Variants in NCKAP5 observed in about 807,000 individuals in gnomAD.
NCKAP5 encodes NCK associated protein 5.
In NCKAP5, 92 loss-of-function variants were observed where a neutral mutation model predicts 167.0. The ratio of observed to expected loss-of-function variants is 0.55; its 90% CI spans 0.47 to 0.66. The LOEUF (loss-of-function observed/expected upper bound fraction) is 0.66, where lower values mean the gene tolerates loss of function less well. Ranked by LOEUF, NCKAP5 falls within the 30% of genes least tolerant of loss-of-function variation. The probability of loss-of-function intolerance (pLI) is 0.00; values close to 1 mark genes in which losing one functional copy is unlikely to be tolerated. For missense variants in NCKAP5, 2,378 were observed against 2,315.0 expected, an observed-to-expected ratio of 1.03 and a Z score of -0.56; for synonymous variants, 891 against 877.4, an observed-to-expected ratio of 1.02 and a Z score of -0.27.
chr2:133,054,171 T>A (rs1032759856), intron 6 of NCKAP5, among the ~76,000 whole-genome samples: 1 of 152,218 alleles, frequency 6.6e-6, no homozygotes, highest in Non-Finnish European at 1.5e-5. Context: ...AATTCTAAAA[T>A]GCTTTGTTCC....
intron 6 of NCKAP5, among the ~76,000 whole-genome samples, chr2:133,126,550 A>C (rs2082410519): frequency 6.6e-6 from 1 of 152,218 alleles, no homozygotes; most frequent in Non-Finnish European, 1.5e-5. Flanking sequence ...TTCCAGATAT[A>C]AGTGACATAG....
chr2:133,277,448 T>C (rs1000654277), intron 4 of NCKAP5, among the ~76,000 whole-genome samples: 10 of 152,052 alleles, frequency 6.6e-5, no homozygotes, highest in Admixed American at 6.6e-4. Flanking sequence ...TAGGGAAAAT[T>C]AGAAGTCGAA....
chr2:132,944,603 C>T (rs993579606), intron 8 of NCKAP5, among the ~76,000 whole-genome samples: 19 of 152,160 alleles, frequency 1.2e-4, no homozygotes, highest in Non-Finnish European at 2.9e-5. Context: ...GACCTCACCA[C>T]GATGTTGCTA....
In NCKAP5 at chr2:133,362,625, G is replaced by A. The variant is rs375830527; in HGVS notation, c.70-59515C>T. On this transcript the variant is annotated intron_variant, in intron 3 of 19. Coordinates refer to ENST00000409261, the MANE Select transcript of NCKAP5 (RefSeq NM_207363.3). ...ATGACCATCTAGAAAAGAAATCAAT[G>A]GTCACTAGGAGTTACAGGGGCTTCC... Among the ~76,000 whole-genome samples the A allele has an allele frequency of 8.5e-5, 13 of 152,236 alleles. No homozygotes were observed. In the East Asian group the frequency reaches 9.6e-4, roughly 11 times the overall value.
chr2:133,062,737 T>G (rs1382095928), intron 6 of NCKAP5, among the ~76,000 whole-genome samples: 1 of 152,218 alleles, frequency 6.6e-6, no homozygotes, highest in Non-Finnish European at 1.5e-5. Context: ...CTGGTGAGAT[T>G]AATGTGTTAC....
At chr2:133,643,717 G>A in the NCKAP5 span, among the ~76,000 whole-genome samples, 2 of 151,970 alleles carry the variant, frequency 1.3e-5, no homozygotes, top group East Asian at 3.9e-4. Flanking sequence ...CCTTCATGTG[G>A]TACCCAAAAC....
In NCKAP5 at chr2:133,068,031, G is replaced by A. The variant is rs952484677; in HGVS notation, c.341+61947C>T. Reference sequence around the variant, plus strand: ...GACAAGAGTGTCTCTTCACCTGATGGCAAAACCCAGAGAGAGGTAGCTATC... The same window carrying A: ...GACAAGAGTGTCTCTTCACCTGATGACAAAACCCAGAGAGAGGTAGCTATC... On this transcript the variant is annotated intron_variant, in intron 6 of 19. Coordinates refer to ENST00000409261, the MANE Select transcript of NCKAP5 (RefSeq NM_207363.3). 6.6e-5 allele frequency among the ~76,000 whole-genome samples: 10 copies of A among 152,074 alleles called. 1 individual carries two copies. Among genetic ancestry groups the A allele is most frequent in the Non-Finnish European group, 1.2e-4 (8 of 68,018 alleles).
chr2:132,731,664 C>T, intron 17 of NCKAP5, 73 bp downstream of exon 17: 1 of 1,467,030 alleles, frequency 6.8e-7, no homozygotes, highest in Non-Finnish European at 9.2e-7. Flanking sequence ...CTGACTTACT[C>T]ATCTCCTGGT....
At chr2:133,040,962 T>C (rs1397696313) in intron 6 of NCKAP5, among the ~76,000 whole-genome samples, 1 of 152,202 alleles carries the variant, frequency 6.6e-6, no homozygotes, top group Non-Finnish European at 1.5e-5. Context: ...TTCTGGGCTG[T>C]TCATTCGAAT....
chr2:133,375,866 A>G (rs913780449), intron 3 of NCKAP5, among the ~76,000 whole-genome samples: 10 of 152,328 alleles, frequency 6.6e-5, no homozygotes, highest in African/African-American at 2.4e-4. Context: ...GATGAAGCCA[A>G]CATTTTTAAG....
the NCKAP5 span, among the ~76,000 whole-genome samples, chr2:133,629,551 C>A: frequency 3.5e-4 from 53 of 152,248 alleles, no homozygotes; most frequent in East Asian, 9.9e-3. Flanking sequence ...TTAGTTCAAC[C>A]AGCATGGAAG....
chr2:133,566,562 C>T (rs1688567960), intron 1 of NCKAP5, among the ~76,000 whole-genome samples: 1 of 152,190 alleles, frequency 6.6e-6, no homozygotes, highest in Non-Finnish European at 1.5e-5. Context: ...ATCTGTACAC[C>T]TGCACATAGC....
intron 3 of NCKAP5, among the ~76,000 whole-genome samples, chr2:133,411,868 C>T (rs1286674127): frequency 6.6e-6 from 1 of 152,054 alleles, no homozygotes; most frequent in African/African-American, 2.4e-5. Flanking sequence ...TCCCATGATC[C>T]CTCCCCATGA....
At position 132,783,741 on chromosome 2, in the gene NCKAP5, C is replaced by T. The variant is rs1683278365; in HGVS notation, c.3070G>A (p.Ala1024Thr). ...AVIQTRCPAH[A>T]PSSSFTVMAL... ...ATTACGGTGAAGGAGCTGGAGGGGG[C>T]ATGAGCAGGGCATCGGGTTTGAATG... Residue 1024 changes from alanine (A) to threonine (T), a missense_variant, in exon 14 of 20, where the codon GCC becomes ACC. Coordinates refer to ENST00000409261, the MANE Select transcript of NCKAP5 (RefSeq NM_207363.3). 2 of 1,605,110 alleles carry T rather than the reference C, an allele frequency of 1.2e-6. No individual in the cohort carries two copies. Among genetic ancestry groups the T allele is most frequent in the African/African-American group, 1.3e-5 (1 of 74,634 alleles).
At chr2:132,923,078 T>C (rs1454107586) in intron 8 of NCKAP5, among the ~76,000 whole-genome samples, 1 of 152,188 alleles carries the variant, frequency 6.6e-6, no homozygotes, top group South Asian at 2.1e-4. Flanking sequence ...GGTAAACTAA[T>C]CCAGCTACAG....
intron 3 of NCKAP5, among the ~76,000 whole-genome samples, chr2:133,417,755 G>T (rs968174073): frequency 3.9e-5 from 6 of 152,172 alleles, no homozygotes; most frequent in African/African-American, 1.4e-4. Flanking sequence ...ATTTTGCCTG[G>T]AGAAGAGAAG....
chr2:132,689,628 G>A (rs1686460399), intron 19 of NCKAP5, among the ~76,000 whole-genome samples: 1 of 152,132 alleles, frequency 6.6e-6, no homozygotes. Flanking sequence ...GCCCACAGCA[G>A]GCATTGCTTA....
At chr2:132,915,080 T>C (rs1694759984) in intron 8 of NCKAP5, among the ~76,000 whole-genome samples, 1 of 152,000 alleles carries the variant, frequency 6.6e-6, no homozygotes, top group Non-Finnish European at 1.5e-5. Flanking sequence ...TAAATGTTTA[T>C]TTAAAATGTG....
chr2:132,763,471 A>G (rs1052513299), intron 16 of NCKAP5, among the ~76,000 whole-genome samples: 2 of 152,208 alleles, frequency 1.3e-5, no homozygotes, highest in African/African-American at 4.8e-5. Context: ...TCTGCTGCAC[A>G]TCAGAATCAC....
Sources: allele counts gnomAD v4.1 joint callset (sites outside exome capture counted in the v4.1 genomes callset), GRCh38; gene constraint gnomAD v4.1.1; transcripts MANE v1.5; gene names NCBI Gene and HGNC (gene_info 2026-07-23, HGNC 2026-07-21).